The following SUPT3H variants were observed in gnomAD, a reference collection of about 807,000 sequenced individuals.
The protein encoded by SUPT3H is SPT3 homolog, SAGA and STAGA complex component.
SUPT3H carries 44 observed loss-of-function variants against 44.3 expected under a neutral mutation model. The observed-to-expected ratio is 0.99, with a 90% CI of 0.78 to 1.28. SUPT3H has a LOEUF of 1.28. SUPT3H is among the 50% of genes most tolerant of loss of function. The pLI is 0.00. For synonymous variants in SUPT3H, 124 were observed against 125.6 expected, an observed-to-expected ratio of 0.99 and a Z score of 0.09; for missense variants, 380 against 387.1, an observed-to-expected ratio of 0.98 and a Z score of 0.15.
chr6:44,890,749 A>AT (rs1380796280), intron 10 of SUPT3H, among the ~76,000 whole-genome samples: 1 of 141,268 alleles, frequency 7.1e-6, no homozygotes, highest in East Asian at 2.3e-4. Context: ...CCTAAAACTT[A>AT]AAGTATAATA....
intron 2 of SUPT3H, among the ~76,000 whole-genome samples, chr6:45,274,719 A>T (rs1715757502): frequency 6.6e-6 from 1 of 152,080 alleles, no homozygotes; most frequent in African/African-American, 2.4e-5. Flanking sequence ...TGTCTGTATT[A>T]AAAATATTTT....
rs543676838 is a variant in SUPT3H, at chr6:44,901,491, C to T, written c.912+31162G>A. On this transcript the variant is annotated intron_variant, in intron 10 of 10. Transcript: ENST00000371459. ...TTAGAGAAAAAAGAATAAAAAGAAA[C>T]GAACAAAGCCTCCAAGAAATATGGG... 1.6e-3 allele frequency among the ~76,000 whole-genome samples: 245 copies of T among 150,910 alleles called. 2 individuals carry two copies. The highest frequency in any genetic ancestry group is 5.6e-3 in the African/African-American group (229 of 41,090).
intron 10 of SUPT3H, among the ~76,000 whole-genome samples, chr6:44,834,265 T>C (rs536017827): frequency 6.6e-6 from 1 of 152,282 alleles, no homozygotes; most frequent in East Asian, 1.9e-4. Flanking sequence ...ATGGAGTAAA[T>C]AAATATTTCC....
chr6:45,057,245 A>G lies in SUPT3H; in HGVS notation c.187-36613T>C, dbSNP rs184616710. On this transcript the variant is annotated intron_variant, in intron 3 of 10. Coordinates refer to ENST00000371459, the MANE Select transcript of SUPT3H (RefSeq NM_003599.4). Reference sequence around the variant, plus strand: ...TTATTATGGACTCAATCTTTTATCAATTCTTCCTAGAGAGAAATCAGATAA... The same window carrying G: ...TTATTATGGACTCAATCTTTTATCAGTTCTTCCTAGAGAGAAATCAGATAA... Among the ~76,000 whole-genome samples the G allele has an allele frequency of 6.6e-5, 10 of 152,228 alleles. No individual in the cohort carries two copies. In the East Asian group the frequency reaches 1.4e-3, roughly 21 times the overall value.
chr6:45,359,628 A>G lies in SUPT3H; in HGVS notation c.101+5573T>C, dbSNP rs1013449624. Among the ~76,000 whole-genome samples, 5 of 152,364 alleles carry G rather than the reference A, an allele frequency of 3.3e-5. No individual in the cohort carries two copies. The East Asian group carries it at 5.8e-4, about 18-fold the overall frequency. On this transcript the variant is annotated intron_variant, in intron 2 of 10. Coordinates refer to ENST00000371459, the MANE Select transcript of SUPT3H (RefSeq NM_003599.4). The stretch of plus-strand genomic sequence containing the variant: ...GAAATAACACAAATACAAGCATCTA[A>G]TAAGTATATAGTAAGTATATAATTT...
chr6:44,961,707 C>T (rs760324008), intron 7 of SUPT3H, 46 bp downstream of exon 7: 7 of 1,436,648 alleles, frequency 4.9e-6, no homozygotes, highest in Non-Finnish European at 6.8e-6. Flanking sequence ...ATCTATAACA[C>T]AAATCTCTTA....
At chr6:44,822,827 T>A (rs932299633), downstream of SUPT3H, among the ~76,000 whole-genome samples, 50 of 151,040 alleles carry the variant, frequency 3.3e-4, no homozygotes, top group African/African-American at 1.2e-3. Flanking sequence ...TTTAAATGCA[T>A]TTTTTTTTGG....
chr6:44,973,468 T>C (rs1245797032), intron 6 of SUPT3H, among the ~76,000 whole-genome samples: 1 of 152,214 alleles, frequency 6.6e-6, no homozygotes, highest in Non-Finnish European at 1.5e-5. Flanking sequence ...TTCCAAACTT[T>C]CCTACATCTT....
chr6:44,902,769 C>T (rs966770945), intron 10 of SUPT3H, among the ~76,000 whole-genome samples: 7 of 152,126 alleles, frequency 4.6e-5, no homozygotes, highest in Non-Finnish European at 1.0e-4. Flanking sequence ...AAATTGACCA[C>T]ATAGTTGGAA....
At chr6:44,922,199 T>C (rs1768839624) in intron 10 of SUPT3H, among the ~76,000 whole-genome samples, 1 of 152,242 alleles carries the variant, frequency 6.6e-6, no homozygotes, top group Non-Finnish European at 1.5e-5. Flanking sequence ...CCTAGGGGAT[T>C]TGGTTTAAAT....
intron 3 of SUPT3H, among the ~76,000 whole-genome samples, chr6:45,064,814 T>C (rs1376108339): frequency 6.7e-6 from 1 of 148,326 alleles, no homozygotes; most frequent in East Asian, 2.0e-4. Context: ...ATAAAGCAAG[T>C]CCTGAGTGAC....
At chr6:45,003,150 T>C (rs890720366) in intron 6 of SUPT3H, among the ~76,000 whole-genome samples, 5 of 152,138 alleles carry the variant, frequency 3.3e-5, no homozygotes, top group Non-Finnish European at 1.5e-5. Context: ...GGAATCCAAA[T>C]ACATGTCACT....
At chr6:45,221,918 A>C (rs1381131318) in intron 2 of SUPT3H, among the ~76,000 whole-genome samples, 1 of 152,184 alleles carries the variant, frequency 6.6e-6, no homozygotes. Context: ...GTGGTACTGT[A>C]GATGGACAAA....
intron 4 of SUPT3H, among the ~76,000 whole-genome samples, chr6:45,019,297 A>G (rs1270810215): frequency 1.3e-5 from 2 of 152,026 alleles, no homozygotes. Context: ...TCAAAAAACC[A>G]GCTCCTGGAT....
chr6:45,289,301 G>C (rs1252320587), intron 2 of SUPT3H, among the ~76,000 whole-genome samples: 1 of 151,944 alleles, frequency 6.6e-6, no homozygotes, highest in East Asian at 1.9e-4. Flanking sequence ...AGAACCGTAA[G>C]AAGAGCCAAA....
At chr6:45,187,284 G>A (rs999677232) in intron 2 of SUPT3H, among the ~76,000 whole-genome samples, 10 of 151,888 alleles carry the variant, frequency 6.6e-5, no homozygotes, top group African/African-American at 1.9e-4. Context: ...ACCAGGTGGC[G>A]GGTGCTTGTA....
chr6:44,964,775 A>T lies in SUPT3H; in HGVS notation c.505-2947T>A, dbSNP rs569072319. Among the ~76,000 whole-genome samples the T allele has an allele frequency of 5.9e-5, 9 of 152,318 alleles. No individual in the cohort carries two copies. The South Asian group carries it at 1.9e-3, about 32-fold the overall frequency. On this transcript the variant is annotated intron_variant, in intron 6 of 10. Coordinates refer to ENST00000371459, the MANE Select transcript of SUPT3H (RefSeq NM_003599.4). ...ATTTATCCAGTGCCTAGCACACAGG[A>T]AACACTCCACGCAAAGCAGCTGACT...
At chr6:45,020,472 G>T in intron 4 of SUPT3H, 74 bp downstream of exon 4, 1 of 1,108,768 alleles carries the variant, frequency 9.0e-7, no homozygotes, top group Non-Finnish European at 1.4e-6. Context: ...ACATAACAAG[G>T]ATATATAGTT....
intron 2 of SUPT3H, among the ~76,000 whole-genome samples, chr6:45,253,872 T>TATATATAC (rs1491408260): frequency 8.1e-4 from 100 of 124,084 alleles, no homozygotes; most frequent in African/African-American, 2.7e-3. Context: ...TATATATATA[T>TATATATAC]ACACACACAC....
Sources: gnomAD v4.1 joint callset for allele counts (sites outside exome capture counted in the v4.1 genomes callset) on GRCh38, gnomAD v4.1.1 for gene constraint, MANE v1.5 for transcripts, NCBI Gene and HGNC (gene_info 2026-07-23, HGNC 2026-07-21) for gene names.